The following TRERF1 variants were observed in gnomAD, a reference collection of about 807,000 sequenced individuals.
TRERF1 encodes the protein transcriptional-regulating factor 1.
A neutral mutation model predicts 122.9 loss-of-function variants in TRERF1; 27 were observed. The observed-to-expected ratio is 0.22, with a 90% CI of 0.16 to 0.30. The LOEUF is 0.30. Among genes scored for constraint, TRERF1 ranks in the 10% least tolerant of loss-of-function variants. The pLI is 1.00. For synonymous variants in TRERF1, 636 were observed against 641.7 expected, an observed-to-expected ratio of 0.99 and a Z score of 0.13; for missense variants, 1,248 against 1,560.3, an observed-to-expected ratio of 0.80 and a Z score of 3.37.
At chr6:42,295,744 A>G (rs1023754822) in intron 4 of TRERF1, among the ~76,000 whole-genome samples, 1 of 152,166 alleles carries the variant, frequency 6.6e-6, no homozygotes, top group Admixed American at 6.5e-5. Context: ...TCTTGTGATG[A>G]ATAGACTTTA....
At chr6:42,411,296 G>C (rs1692448593) in intron 2 of TRERF1, among the ~76,000 whole-genome samples, 1 of 152,184 alleles carries the variant, frequency 6.6e-6, no homozygotes, top group African/African-American at 2.4e-5. Flanking sequence ...CATACATAAA[G>C]AAACTGAGGT....
chr6:42,270,592 T>C (rs1318410996), intron 4 of TRERF1, among the ~76,000 whole-genome samples: 2 of 152,190 alleles, frequency 1.3e-5, no homozygotes, highest in East Asian at 1.9e-4. Context: ...GAAAAGGTGA[T>C]GAGTCGCATA....
chr6:42,360,019 T>C (rs750707995), intron 3 of TRERF1, among the ~76,000 whole-genome samples: 2 of 152,194 alleles, frequency 1.3e-5, no homozygotes, highest in Admixed American at 6.5e-5. Context: ...TTACCTCCTC[T>C]CTAACAGAAC....
intron 5 of TRERF1, among the ~76,000 whole-genome samples, chr6:42,267,691 C>G (rs145160010): frequency 6.4e-4 from 97 of 152,320 alleles, no homozygotes; most frequent in African/African-American, 2.0e-3. Context: ...TGAGAACCCA[C>G]TGTTTCCCCA....
chr6:42,240,166 C>A (rs9471821), intron 15 of TRERF1, among the ~76,000 whole-genome samples: 4,832 of 152,316 alleles, frequency 0.032, 273 homozygotes, highest in African/African-American at 0.11. Flanking sequence ...TTCATTCCAT[C>A]TCCCTCCAGT....
In TRERF1 at chr6:42,269,219, G is replaced by A; in HGVS notation, c.372C>T (p.Tyr124=). ...GGGTCCGGATCTCGCTGGCCTGGGA[G>A]TAGGTGTATTGGTAGCCATCAGTGG... The change falls in exon 5 of 18, where the codon TAC becomes TAT. Residue 124 remains tyrosine, a synonymous_variant. Coordinates refer to ENST00000372922, the Ensembl canonical transcript of TRERF1. The surrounding 1 kb of genome is among the most constrained non-coding windows in gnomAD (Gnocchi z 4.9). 6.2e-7 allele frequency: 1 copy of A among 1,614,204 alleles called. No individual in the cohort carries two copies. Among genetic ancestry groups the A allele is most frequent in the South Asian group, 1.1e-5 (1 of 91,086 alleles).
At chr6:42,243,726 A>G (rs9471824) in intron 14 of TRERF1, among the ~76,000 whole-genome samples, 38,007 of 151,372 alleles carry the variant, frequency 0.25, 6,270 homozygotes, top group African/African-American at 0.47. Context: ...GACTACAGGC[A>G]TCCGCCACCA....
intron 3 of TRERF1, 130 bp from the exon 4 acceptor site, chr6:42,300,879 A>G (rs957996481): frequency 3.3e-5 from 5 of 152,368 alleles, no homozygotes; most frequent in Non-Finnish European, 7.3e-5. Flanking sequence ...ACTCTTAGGT[A>G]ATGAGGAAGC....
chr6:42,255,039 G>A lies in TRERF1; in HGVS notation c.2581-113C>T, dbSNP rs878855757. The A allele has an allele frequency of 5.5e-5, 55 of 993,078 alleles. 1 individual carries two copies. The East Asian group carries it at 1.3e-3, about 23-fold the overall frequency. 61.5% of individuals were successfully genotyped at this position (993,078 alleles called of 1,614,324 possible). A position where few individuals can be genotyped will look rare whatever the true frequency, so the allele number is the denominator to read the frequency against. ...TAGCACTGTGGAGGTCAGGGGCGGG[G>A]GCACTGGAAGGAAACCCAGAGGGAG... is the stretch of plus-strand genomic sequence containing the variant. On this transcript the variant is annotated intron_variant, in intron 12 of 17. Transcript: ENST00000372922.
chr6:42,408,929 C>T (rs1780708596), intron 2 of TRERF1, among the ~76,000 whole-genome samples: 2 of 151,898 alleles, frequency 1.3e-5, no homozygotes, highest in Admixed American at 6.6e-5. Context: ...TAGTTTTTCC[C>T]AAGAGCTATT....
chr6:42,381,794 G>A (rs1216774960), intron 2 of TRERF1, among the ~76,000 whole-genome samples: 1 of 150,252 alleles, frequency 6.7e-6, no homozygotes. Context: ...CCCCAGACTT[G>A]GGGAGAAGTA....
At chr6:42,256,005 C>T (rs1776674117) in intron 12 of TRERF1, among the ~76,000 whole-genome samples, 1 of 152,100 alleles carries the variant, frequency 6.6e-6, no homozygotes, top group South Asian at 2.1e-4. Context: ...GTGGCATGCA[C>T]CAGTAATTCC....
At chr6:42,321,074 T>C (rs1684818319) in intron 3 of TRERF1, among the ~76,000 whole-genome samples, 1 of 151,708 alleles carries the variant, frequency 6.6e-6, no homozygotes, top group Non-Finnish European at 1.5e-5. Context: ...GGGGGGAATT[T>C]TATAAAATCT....
At chr6:42,391,513 C>T (rs981455543) in intron 2 of TRERF1, among the ~76,000 whole-genome samples, 15 of 152,154 alleles carry the variant, frequency 9.9e-5, no homozygotes, top group African/African-American at 3.6e-4. Context: ...AGCTGGGCTC[C>T]AGCCTCTGGT....
At chr6:42,395,112 G>A (rs1043318139) in intron 2 of TRERF1, among the ~76,000 whole-genome samples, 1 of 152,220 alleles carries the variant, frequency 6.6e-6, no homozygotes, top group Non-Finnish European at 1.5e-5. Context: ...TGCCTCAGAA[G>A]AGCCCTTTGC....
intron 13 of TRERF1, among the ~76,000 whole-genome samples, chr6:42,253,863 G>T (rs1376394816): frequency 6.6e-6 from 1 of 152,204 alleles, no homozygotes; most frequent in African/African-American, 2.4e-5. Flanking sequence ...AGGTCCCCAA[G>T]CCCACATATT....
intron 2 of TRERF1, among the ~76,000 whole-genome samples, chr6:42,445,960 G>A (rs1009928845): frequency 1.3e-5 from 2 of 152,158 alleles, no homozygotes; most frequent in Non-Finnish European, 1.5e-5. Context: ...TGTCACCCAG[G>A]CTGGAGTGCA....
chr6:42,259,605 G>C lies in TRERF1; in HGVS notation c.2003C>G (p.Ser668Cys). The change falls in exon 9 of 18, where the codon TCC (serine) becomes TGC (cysteine). Residue 668 changes from serine to cysteine, a missense_variant. Physicochemically the swap from Ser to Cys is moderately radical, Grantham distance 112 (BLOSUM62 -1). This residue lies in a region of TRERF1 where 946 missense variants were observed against 1,073.0 expected (regional missense o/e 0.88). Coordinates refer to ENST00000372922, the Ensembl canonical transcript of TRERF1. The surrounding 1 kb of genome is among the most constrained non-coding windows in gnomAD (Gnocchi z 4.9). The stretch of plus-strand genomic sequence containing the variant: ...GGAGGCAGCGGGGTTCGGGTTGTAG[G>C]AGGGCGGCGGCGGGATGAAGAGAGG... 6.2e-7 allele frequency: 1 copy of C among 1,613,930 alleles called. No homozygotes were observed. The highest frequency in any genetic ancestry group is 1.1e-5 in the South Asian group (1 of 91,084).
intron 15 of TRERF1, among the ~76,000 whole-genome samples, chr6:42,238,834 TTCAC>T (rs1439586813): frequency 2.4e-3 from 166 of 69,564 alleles, no homozygotes; most frequent in African/African-American, 7.0e-3. Context: ...AATCATGCAT[TTCAC>T]ACACACACAC....
Sources: allele counts gnomAD v4.1 joint callset (sites outside exome capture counted in the v4.1 genomes callset), GRCh38; gene constraint gnomAD v4.1.1; regional missense constraint gnomAD v4.1.1; non-coding constraint Gnocchi (gnomAD v3.1); transcripts MANE v1.5; gene names NCBI Gene and HGNC (gene_info 2026-07-23, HGNC 2026-07-21).